Variants in PIKFYVE observed in about 807,000 individuals in gnomAD.
PIKFYVE encodes phosphoinositide kinase, FYVE-type zinc finger containing.
In PIKFYVE, 122 loss-of-function variants were observed where a neutral mutation model predicts 257.9. The observed-to-expected ratio is 0.47, with a 90% CI of 0.41 to 0.55. The LOEUF (loss-of-function observed/expected upper bound fraction) is 0.55. Ranked by LOEUF, PIKFYVE falls within the 20% of genes least tolerant of loss-of-function variation. PIKFYVE has a pLI of 0.00. For missense variants in PIKFYVE, 2,160 were observed against 2,536.6 expected (o/e 0.85, Z 3.19); for synonymous variants, 892 against 868.9 (o/e 1.03, Z -0.47).
intron 28 of PIKFYVE, among the ~76,000 whole-genome samples, chr2:208,338,292 T>C (rs1054482368): frequency 4.6e-5 from 7 of 152,282 alleles, no homozygotes; most frequent in African/African-American, 1.7e-4. Context: ...AATGAGTTCA[T>C]GCACATTTAA....
At chr2:208,301,183 G>A in intron 9 of PIKFYVE, 89 bp downstream of exon 9, 1 of 1,504,150 alleles carries the variant, frequency 6.6e-7, no homozygotes. Context: ...AGATTTCTTT[G>A]TAGAGTTAGG....
intron 7 of PIKFYVE, among the ~76,000 whole-genome samples, chr2:208,298,141 G>T (rs1192426863): frequency 1.3e-5 from 2 of 151,970 alleles, no homozygotes; most frequent in Non-Finnish European, 2.9e-5. Context: ...TAGTTCATGG[G>T]CTATACAGAA....
intron 12 of PIKFYVE, among the ~76,000 whole-genome samples, chr2:208,311,922 G>C (rs1182384757): frequency 6.6e-6 from 1 of 152,170 alleles, no homozygotes; most frequent in Non-Finnish European, 1.5e-5. Flanking sequence ...AGTATCTGAA[G>C]ATTTAATTTT....
Position 208,348,024 on chromosome 2 carries a change from G to T in PIKFYVE, c.5374+1G>T, listed in dbSNP as rs202227474. 9.9e-6 allele frequency: 16 copies of T among 1,613,896 alleles called. No homozygotes were observed. Among genetic ancestry groups the T allele is most frequent in the African/African-American group, 1.3e-5 (1 of 74,912 alleles). On this transcript the variant is annotated splice_donor_variant, in intron 35 of 41. Transcript: ENST00000264380. LOFTEE classifies it high-confidence loss of function. ...GAGAATCAAGGCGTTGAGCCTCAAGGTGTGTTAAAGAAGAGTAAATGTGCT... is the reference window on the plus strand; with the variant it reads ...GAGAATCAAGGCGTTGAGCCTCAAGTTGTGTTAAAGAAGAGTAAATGTGCT...
Position 208,325,479 on chromosome 2 carries a change from C to T in PIKFYVE, c.2668C>T (p.His890Tyr). Residue 890 changes from histidine to tyrosine, a missense_variant, in exon 20 of 42, where the codon CAT becomes TAT. His to Tyr is a moderately conservative substitution (Grantham distance 83). Around this residue, in one of 12 missense-constraint regions of PIKFYVE, gnomAD observed 522 missense variants for 514.6 expected, o/e 1.01. Transcript: ENST00000264380. ...PPTLMQNPSF[H>Y]SLIEGRGHEG... ...CACATTAATGCAAAACCCTTCATTC[C>T]ATTCCCTGATTGAGGGACGAGGGCA... The T allele has an allele frequency of 1.2e-6, 2 of 1,614,162 alleles. No homozygotes were observed. Among genetic ancestry groups the T allele is most frequent in the Non-Finnish European group, 1.7e-6 (2 of 1,180,012 alleles).
Position 208,298,714 on chromosome 2 carries a change from A to G in PIKFYVE, c.985A>G (p.Ser329Gly), listed in dbSNP as rs150646524. 1.6e-4 allele frequency: 252 copies of G among 1,614,026 alleles called. No homozygotes were observed. The highest frequency in any genetic ancestry group is 2.1e-4 in the Non-Finnish European group (245 of 1,179,984). Residue 329 changes from serine to glycine, a missense_variant, in exon 8 of 42, where the codon AGT (serine) becomes GGT (glycine). Around this residue, in one of 12 missense-constraint regions of PIKFYVE, gnomAD observed 187 missense variants for 185.6 expected, o/e 1.01. Coordinates refer to ENST00000264380, the MANE Select transcript of PIKFYVE (RefSeq NM_015040.4). Reference protein sequence around the residue: ...PMVPSYETSVSPQANRTYVRT... With the variant: ...PMVPSYETSVGPQANRTYVRT... ...GGTACCTTCATATGAGACATCTGTC[A>G]GTCCCCAGGCTAACCGAACATATGT...
intron 8 of PIKFYVE, among the ~76,000 whole-genome samples, chr2:208,300,457 G>A (rs1042395986): frequency 6.6e-6 from 1 of 152,206 alleles, no homozygotes; most frequent in African/African-American, 2.4e-5. Flanking sequence ...TACAGGTGTA[G>A]ATTTGAAACT....
intron 7 of PIKFYVE, among the ~76,000 whole-genome samples, chr2:208,294,020 C>T (rs987937921): frequency 1.2e-4 from 18 of 152,174 alleles, no homozygotes; most frequent in African/African-American, 4.3e-4. Flanking sequence ...GTGTTCCTTT[C>T]TCTCTTTCTT....
chr2:208,328,125 T>C (rs1325057897), intron 20 of PIKFYVE, 55 bp from the exon 21 acceptor site: 2 of 1,611,580 alleles, frequency 1.2e-6, no homozygotes, highest in Non-Finnish European at 1.7e-6. Context: ...TTTGGTGCAT[T>C]GGGGTTGAAT....
At chr2:208,283,641 C>T (rs4673388) in intron 5 of PIKFYVE, among the ~76,000 whole-genome samples, 146,310 of 152,212 alleles carry the variant, frequency 0.96, 70,463 homozygotes, top group East Asian at 1. Context: ...AGTGGCACGA[C>T]CACAGCTCAG....
chr2:208,303,344 C>T (rs1449423459), intron 10 of PIKFYVE, among the ~76,000 whole-genome samples: 3 of 152,040 alleles, frequency 2.0e-5, no homozygotes, highest in Non-Finnish European at 4.4e-5. Context: ...TACTGACCCC[C>T]TGTATAGTTG....
intron 6 of PIKFYVE, among the ~76,000 whole-genome samples, chr2:208,286,687 ATTT>A (rs779100232): frequency 1.4e-5 from 2 of 140,336 alleles, no homozygotes; most frequent in African/African-American, 5.2e-5. Context: ...TGCTTGGCTG[ATTT>A]TTTTTTTTTT....
At chr2:208,310,498 A>G (rs555986856) in intron 12 of PIKFYVE, among the ~76,000 whole-genome samples, 78 of 152,304 alleles carry the variant, frequency 5.1e-4, no homozygotes, top group Middle Eastern at 3.4e-3. Flanking sequence ...AATATATTTT[A>G]TTATGTATTA....
At chr2:208,293,257 A>C (rs28846372) in intron 7 of PIKFYVE, among the ~76,000 whole-genome samples, 3 of 152,056 alleles carry the variant, frequency 2.0e-5, no homozygotes, top group African/African-American at 7.2e-5. Context: ...ACTTACATAT[A>C]AGCATGCGTA....
intron 17 of PIKFYVE, among the ~76,000 whole-genome samples, chr2:208,321,276 A>G (rs1320792148): frequency 1.3e-5 from 2 of 152,218 alleles, no homozygotes; most frequent in Non-Finnish European, 2.9e-5. Flanking sequence ...TTCCAGAAAC[A>G]TTTAGGAAAA....
chr2:208,288,649 G>C, intron 6 of PIKFYVE, 80 bp from the exon 7 acceptor site: 1 of 1,576,032 alleles, frequency 6.3e-7, no homozygotes, highest in Non-Finnish European at 8.6e-7. Flanking sequence ...GATTAAATCT[G>C]CTTTTAATGT....
chr2:208,280,045 T>G (rs1690604434), intron 5 of PIKFYVE, among the ~76,000 whole-genome samples: 1 of 152,210 alleles, frequency 6.6e-6, no homozygotes, highest in African/African-American at 2.4e-5. Context: ...ATATTTCATA[T>G]CCTAGTCAGC....
At chr2:208,283,021 GT>G (rs1691038247) in intron 5 of PIKFYVE, among the ~76,000 whole-genome samples, 3 of 152,164 alleles carry the variant, frequency 2.0e-5, no homozygotes, top group African/African-American at 7.2e-5. Flanking sequence ...GCCCGTTTGT[GT>G]ATGGCTTGTG....
At chr2:208,295,374 A>G (rs1692836657) in intron 7 of PIKFYVE, among the ~76,000 whole-genome samples, 1 of 152,214 alleles carries the variant, frequency 6.6e-6, no homozygotes, top group African/African-American at 2.4e-5. Flanking sequence ...TCTATTATGT[A>G]ATATACTGTA....
Sources: gnomAD v4.1 joint callset for allele counts (sites outside exome capture counted in the v4.1 genomes callset) on GRCh38, gnomAD v4.1.1 for gene constraint, gnomAD v4.1.1 regional missense constraint, MANE v1.5 for transcripts, NCBI Gene and HGNC (gene_info 2026-07-23, HGNC 2026-07-21) for gene names.